KATNBL1: variants seen among roughly 807,000 people sequenced by gnomAD.
KATNBL1 encodes the protein KATNB1-like protein 1.
Under a neutral mutation model 44.7 loss-of-function variants are expected in KATNBL1, and 28 were observed. The ratio of observed to expected loss-of-function variants is 0.63; its 90% CI spans 0.46 to 0.86. The LOEUF is 0.86. Among genes scored for constraint, KATNBL1 ranks in the 40% least tolerant of loss-of-function variants. KATNBL1 has a pLI of 0.00. For missense variants in KATNBL1, 272 were observed against 350.7 expected, an observed-to-expected ratio of 0.78 and a Z score of 1.79; for synonymous variants, 78 against 114.9, an observed-to-expected ratio of 0.68 and a Z score of 2.06.
intron 4 of KATNBL1, among the ~76,000 whole-genome samples, chr15:34,150,294 A>G (rs192288047): frequency 1.8e-3 from 278 of 152,328 alleles, no homozygotes; most frequent in Middle Eastern, 3.4e-3. Flanking sequence ...ACTTTTTAAA[A>G]AGAACTTTTA....
intron 1 of KATNBL1, among the ~76,000 whole-genome samples, chr15:34,182,891 C>CATGTTCTGT (rs1889608688): frequency 1.3e-5 from 2 of 152,134 alleles, no homozygotes; most frequent in African/African-American, 4.8e-5. Flanking sequence ...AGGAGAGGGA[C>CATGTTCTGT]ATGTTCTGTA....
intron 8 of KATNBL1, 101 bp from the exon 9 acceptor site, chr15:34,145,592 G>A (rs950535507): frequency 2.9e-6 from 3 of 1,043,494 alleles, no homozygotes; most frequent in Non-Finnish European, 3.7e-6. Context: ...AATTTTTCAG[G>A]TATTTTTCAG....
intron 1 of KATNBL1, among the ~76,000 whole-genome samples, chr15:34,185,377 A>G (rs1416374921): frequency 6.6e-6 from 1 of 152,204 alleles, no homozygotes; most frequent in Non-Finnish European, 1.5e-5. Flanking sequence ...AAATAATTGA[A>G]GGCCTAAAGG....
At chr15:34,145,252 C>A in intron 9 of KATNBL1, 146 bp downstream of exon 9, 1 of 1,414,646 alleles carries the variant, frequency 7.1e-7, no homozygotes, top group Non-Finnish European at 9.4e-7. Context: ...ACGCAGAGGA[C>A]CTGAAGCATT....
intron 1 of KATNBL1, among the ~76,000 whole-genome samples, chr15:34,192,309 C>G (rs1257166790): frequency 2.7e-5 from 4 of 150,302 alleles, no homozygotes; most frequent in African/African-American, 9.8e-5. Context: ...GAGGCTGAAG[C>G]AGGAGAATTG....
At chr15:34,202,356 G>C (rs1244654544) in intron 1 of KATNBL1, among the ~76,000 whole-genome samples, 1 of 152,076 alleles carries the variant, frequency 6.6e-6, no homozygotes, top group Non-Finnish European at 1.5e-5. Flanking sequence ...AAGTCAACAG[G>C]GTTAAGTATA....
intron 1 of KATNBL1, among the ~76,000 whole-genome samples, chr15:34,164,447 C>T (rs1277578314): frequency 6.6e-6 from 1 of 151,956 alleles, no homozygotes; most frequent in South Asian, 2.1e-4. Flanking sequence ...ATACAACTGA[C>T]TTGTCCTATG....
Position 34,186,021 on chromosome 15 carries a change from A to G in KATNBL1, c.-14-22331T>C, listed in dbSNP as rs181830710. Among the ~76,000 whole-genome samples, 443 of 152,284 alleles carry G rather than the reference A, an allele frequency of 2.9e-3. 2 individuals carry two copies. Among genetic ancestry groups the G allele is most frequent in the Non-Finnish European group, 4.2e-3 (287 of 68,026 alleles). On this transcript the variant is annotated intron_variant, in intron 1 of 9. Coordinates refer to ENST00000256544, the MANE Select transcript of KATNBL1 (RefSeq NM_024713.3). ...TCAAAGTTTTAAGATCGGGAGGGTC[A>G]ATTTCTATGTTTATTCAAAGAAACC...
intron 2 of KATNBL1, among the ~76,000 whole-genome samples, chr15:34,162,488 T>C (rs143309567): frequency 1.1e-4 from 16 of 152,362 alleles, no homozygotes; most frequent in Non-Finnish European, 1.8e-4. Context: ...TATGTCTTTA[T>C]CAGCAGCATG....
intron 1 of KATNBL1, among the ~76,000 whole-genome samples, chr15:34,200,081 G>A (rs1292744591): frequency 1.3e-5 from 2 of 152,098 alleles, no homozygotes; most frequent in African/African-American, 2.4e-5. Context: ...TAGACACAGA[G>A]CACTGATGGG....
At chr15:34,197,884 AT>A (rs1024581374) in intron 1 of KATNBL1, among the ~76,000 whole-genome samples, 1 of 152,094 alleles carries the variant, frequency 6.6e-6, no homozygotes, top group African/African-American at 2.4e-5. Context: ...AGTAGCTGGG[AT>A]TACAGGCACA....
intron 1 of KATNBL1, among the ~76,000 whole-genome samples, chr15:34,180,815 C>T (rs1889494960): frequency 6.6e-6 from 1 of 152,084 alleles, no homozygotes; most frequent in African/African-American, 2.4e-5. Context: ...GTAATCCCAG[C>T]ACTTTGGGAG....
At chr15:34,155,577 T>C (rs1164907861) in intron 2 of KATNBL1, among the ~76,000 whole-genome samples, 1 of 152,204 alleles carries the variant, frequency 6.6e-6, no homozygotes, top group Non-Finnish European at 1.5e-5. Context: ...CAGTTAGACC[T>C]TGCAATGCCT....
intron 1 of KATNBL1, among the ~76,000 whole-genome samples, chr15:34,192,306 A>T (rs1889896673): frequency 6.6e-6 from 1 of 151,938 alleles, no homozygotes; most frequent in Non-Finnish European, 1.5e-5. Context: ...CAGGAGGCTG[A>T]AGCAGGAGAA....
chr15:34,194,253 T>C (rs375039853), intron 1 of KATNBL1, among the ~76,000 whole-genome samples: 7 of 152,216 alleles, frequency 4.6e-5, no homozygotes, highest in African/African-American at 1.7e-4. Context: ...AGTTTAGTTT[T>C]ATATGCTGCA....
intron 1 of KATNBL1, among the ~76,000 whole-genome samples, chr15:34,193,934 TTTTC>T (rs1413851482): frequency 6.6e-6 from 1 of 150,768 alleles, no homozygotes; most frequent in African/African-American, 2.4e-5. Context: ...GCAGTTTAGT[TTTTC>T]TTTGTCGTTT....
At chr15:34,188,291 C>T (rs986039545) in intron 1 of KATNBL1, among the ~76,000 whole-genome samples, 2 of 151,822 alleles carry the variant, frequency 1.3e-5, no homozygotes, top group Non-Finnish European at 2.9e-5. Context: ...TGTGGTGGCT[C>T]ACATCTGTAA....
At chr15:34,147,119 C>T in intron 7 of KATNBL1, 81 bp downstream of exon 7, 1 of 814,750 alleles carries the variant, frequency 1.2e-6, no homozygotes, top group South Asian at 1.6e-5. Context: ...CTCATGGAGC[C>T]CAATCTACTA....
Position 34,148,058 on chromosome 15 carries a change from G to A in KATNBL1, c.557+574C>T, listed in dbSNP as rs145636361. On this transcript the variant is annotated intron_variant, in intron 5 of 9. Coordinates refer to ENST00000256544, the MANE Select transcript of KATNBL1 (RefSeq NM_024713.3). ...TTTTGTAGAGATGGAGTCTTGCTAT[G>A]TTGCTCAGTCTCTCACTCCTGGGCT... Among the ~76,000 whole-genome samples the A allele has an allele frequency of 7.6e-4, 115 of 152,120 alleles. 1 individual carries two copies. Among genetic ancestry groups the A allele is most frequent in the African/African-American group, 2.6e-3 (107 of 41,506 alleles).
Sources: allele counts gnomAD v4.1 joint callset (sites outside exome capture counted in the v4.1 genomes callset), GRCh38; gene constraint gnomAD v4.1.1; transcripts MANE v1.5; gene names NCBI Gene and HGNC (gene_info 2026-07-23, HGNC 2026-07-21).